The following PANK1 variants were observed in gnomAD, a reference collection of about 807,000 sequenced individuals.
PANK1 encodes pantothenic acid kinase 1.
A neutral mutation model predicts 40.1 loss-of-function variants in PANK1; 18 were observed. That is an observed-to-expected ratio of 0.45 (90% CI 0.31 to 0.67). The LOEUF is 0.67. PANK1 is among the 30% of genes least tolerant of loss of function. The probability of loss-of-function intolerance (pLI) is 0.06; values close to 1 mark genes in which losing one functional copy is unlikely to be tolerated. For missense variants in PANK1, 457 were observed against 599.6 expected, an observed-to-expected ratio of 0.76 and a Z score of 2.48; for synonymous variants, 242 against 237.7, an observed-to-expected ratio of 1.02 and a Z score of -0.17.
At chr10:89,595,646 C>G (rs1460447083) in intron 3 of PANK1, among the ~76,000 whole-genome samples, 1 of 149,860 alleles carries the variant, frequency 6.7e-6, no homozygotes, top group Non-Finnish European at 1.5e-5. Context: ...ACGGTGAAAC[C>G]CTGTCTCTAT....
Position 89,604,916 on chromosome 10 carries a change from A to AT in PANK1, c.646-5412dup, listed in dbSNP as rs546824383. ...CAGGTGCCTGCCACCACACCTGGCT[A>AT]TTTTTTTGTATTTTTTAGTAGAGAC... On this transcript the variant is annotated intron_variant, in intron 2 of 6. Transcript: ENST00000307534. Among the ~76,000 whole-genome samples the AT allele has an allele frequency of 5.4e-4, 82 of 151,540 alleles. 1 individual carries two copies. Among genetic ancestry groups the AT allele is most frequent in the Admixed American group, 2.7e-3 (41 of 15,220 alleles).
chr10:89,623,601 G>A (rs1231897729), intron 1 of PANK1, among the ~76,000 whole-genome samples: 2 of 151,666 alleles, frequency 1.3e-5, no homozygotes, highest in Non-Finnish European at 2.9e-5. Flanking sequence ...AAACTTCTCT[G>A]TAATGATGCA....
chr10:89,593,526 TG>T (rs34654344), intron 4 of PANK1, among the ~76,000 whole-genome samples: 4 of 146,852 alleles, frequency 2.7e-5, no homozygotes, highest in African/African-American at 9.7e-5. Flanking sequence ...TGTCCATTAA[TG>T]GGGGGGGAAA....
chr10:89,595,833 A>AATATATAT (rs369831755), intron 3 of PANK1, among the ~76,000 whole-genome samples: 102 of 33,718 alleles, frequency 3.0e-3, no homozygotes, highest in Non-Finnish European at 3.6e-3. Flanking sequence ...AAAAAAAAAA[A>AATATATAT]ATATATATAT....
chr10:89,587,628 A>G (rs749388223), intron 6 of PANK1, among the ~76,000 whole-genome samples: 4 of 152,250 alleles, frequency 2.6e-5, no homozygotes, highest in Non-Finnish European at 4.4e-5. Flanking sequence ...TGAAAGAAAG[A>G]TAACTACAGG....
chr10:89,620,429 T>C (rs1471822978), intron 1 of PANK1, among the ~76,000 whole-genome samples: 1 of 152,236 alleles, frequency 6.6e-6, no homozygotes. Flanking sequence ...GTCTGCCTTA[T>C]GCAGTTGAAG....
At chr10:89,623,680 A>T (rs1403200290) in intron 1 of PANK1, among the ~76,000 whole-genome samples, 1 of 152,130 alleles carries the variant, frequency 6.6e-6, no homozygotes, top group East Asian at 1.9e-4. Flanking sequence ...TGCCCATAGA[A>T]AATAATATGC....
At chr10:89,616,077 G>A (rs1162925714) in intron 1 of PANK1, among the ~76,000 whole-genome samples, 3 of 152,228 alleles carry the variant, frequency 2.0e-5, no homozygotes, top group Non-Finnish European at 2.9e-5. Flanking sequence ...TAAACCAGAT[G>A]TCATTTTAAA....
chr10:89,615,736 A>G (rs927422571), intron 1 of PANK1, among the ~76,000 whole-genome samples: 8 of 152,228 alleles, frequency 5.3e-5, no homozygotes, highest in African/African-American at 1.7e-4. Flanking sequence ...TCTTACCTCC[A>G]TGAAAAATCT....
intron 1 of PANK1, among the ~76,000 whole-genome samples, chr10:89,624,780 A>G (rs1343248407): frequency 6.6e-6 from 1 of 152,240 alleles, no homozygotes; most frequent in Non-Finnish European, 1.5e-5. Context: ...ATTCTGATTC[A>G]GTGGGATAGG....
chr10:89,613,131 GA>G (rs1264099811), intron 1 of PANK1, among the ~76,000 whole-genome samples: 1 of 152,188 alleles, frequency 6.6e-6, no homozygotes, highest in Non-Finnish European at 1.5e-5. Context: ...AGACAGCCTG[GA>G]AAGTTAATGC....
At position 89,645,069 on chromosome 10, in the gene PANK1, C is replaced by G; in HGVS notation, c.-178G>C. Reference sequence around the variant, plus strand: ...CCCCTCCTCCTGCCGACTCCCCCACCTCCTCTGCGCCCTGCCCCCCGCGCG... The same window carrying G: ...CCCCTCCTCCTGCCGACTCCCCCACGTCCTCTGCGCCCTGCCCCCCGCGCG... On this transcript the variant is annotated 5_prime_UTR_variant, in exon 1 of 7. Transcript: ENST00000307534. 1.9e-6 allele frequency: 3 copies of G among 1,547,286 alleles called. No homozygotes were observed. The highest frequency in any genetic ancestry group is 2.6e-6 in the Non-Finnish European group (3 of 1,152,758).
In PANK1 at chr10:89,644,838, G is replaced by A; in HGVS notation, c.54C>T (p.Ala18=). 1 of 1,454,296 alleles carries A rather than the reference G, an allele frequency of 6.9e-7. No individual in the cohort carries two copies. The highest frequency in any genetic ancestry group is 9.0e-7 in the Non-Finnish European group (1 of 1,111,868). 90.1% of individuals were successfully genotyped at this position (1,454,296 alleles called of 1,614,324 possible). The part of the protein sequence containing the change: ...QERSVPHSPG[A]PVGTSAAAVN... ...CAGCGGCGGCGCTGGTGCCCACGGGGGCCCCTGGAGAGTGCGGGACCGAGC... is the reference window on the plus strand; with the variant it reads ...CAGCGGCGGCGCTGGTGCCCACGGGAGCCCCTGGAGAGTGCGGGACCGAGC... The change falls in exon 1 of 7, where the codon GCC becomes GCT. Residue 18 remains alanine (A), a synonymous_variant. Transcript: ENST00000307534.
downstream of PANK1, chr10:89,580,478 A>G (rs960670670): frequency 2.6e-5 from 4 of 152,180 alleles, no homozygotes; most frequent in African/African-American, 7.2e-5. Context: ...TGTCTCATGA[A>G]CCAGGCTCCA....
At chr10:89,609,619 G>A (rs146746911) in intron 2 of PANK1, among the ~76,000 whole-genome samples, 48 of 152,300 alleles carry the variant, frequency 3.2e-4, no homozygotes, top group African/African-American at 1.1e-3. Context: ...CTTCACTTTG[G>A]CTGAGACTCA....
chr10:89,588,094 G>T (rs78752136), intron 6 of PANK1, among the ~76,000 whole-genome samples: 6,634 of 151,886 alleles, frequency 0.044, 210 homozygotes, highest in Middle Eastern at 0.082. Flanking sequence ...TCTGTGCCTG[G>T]CTTATCTTAG....
chr10:89,643,822 T>TG, intron 1 of PANK1: 1 of 1,593,710 alleles, frequency 6.3e-7, no homozygotes, highest in Non-Finnish European at 8.5e-7. Context: ...CAGCGTCCTG[T>TG]GGGGAAGGTA....
At chr10:89,586,879 C>G (rs1844211285) in intron 6 of PANK1, among the ~76,000 whole-genome samples, 1 of 152,182 alleles carries the variant, frequency 6.6e-6, no homozygotes, top group African/African-American at 2.4e-5. Flanking sequence ...GTAATCCCAG[C>G]ACTTTAGGAG....
At chr10:89,588,952 C>T (rs1844286315) in intron 5 of PANK1, among the ~76,000 whole-genome samples, 175 bp from the exon 6 acceptor site, 1 of 152,114 alleles carries the variant, frequency 6.6e-6, no homozygotes, top group Non-Finnish European at 1.5e-5. Context: ...ATAGTGCATT[C>T]CACAAGAACA....
Sources: gnomAD v4.1 joint callset for allele counts (sites outside exome capture counted in the v4.1 genomes callset) on GRCh38, gnomAD v4.1.1 for gene constraint, MANE v1.5 for transcripts, NCBI Gene and HGNC (gene_info 2026-07-23, HGNC 2026-07-21) for gene names.